PPA2: variants seen among roughly 807,000 people sequenced by gnomAD.
The protein encoded by PPA2 is inorganic pyrophosphatase 2, mitochondrial.
A neutral mutation model predicts 49.5 loss-of-function variants in PPA2; 48 were observed. The ratio of observed to expected loss-of-function variants is 0.97; its 90% confidence interval spans 0.77 to 1.23. The LOEUF is 1.23. PPA2 is among the 50% of genes most tolerant of loss of function. The pLI is 0.00. For synonymous variants in PPA2, 131 were observed against 139.9 expected, an observed-to-expected ratio of 0.94 and a Z score of 0.45; for missense variants, 429 against 410.1, an observed-to-expected ratio of 1.05 and a Z score of -0.40.
intron 10 of PPA2, among the ~76,000 whole-genome samples, chr4:105,379,622 C>T (rs1348408870): frequency 7.2e-6 from 1 of 139,812 alleles, no homozygotes; most frequent in East Asian, 2.2e-4. Flanking sequence ...CGCCACCACG[C>T]CTGGCTAATT....
At position 105,424,274 on chromosome 4, in the gene PPA2, C is replaced by G; in HGVS notation, c.577G>C (p.Ala193Pro). The G allele has an allele frequency of 6.2e-7, 1 of 1,605,886 alleles. No homozygotes were observed. The highest frequency in any genetic ancestry group is 2.2e-5 in the East Asian group (1 of 44,614). Residue 193 changes from alanine to proline, a missense_variant, in exon 7 of 12, where the codon GCT becomes CCT. By Grantham distance (27) the Ala-to-Pro change is conservative (BLOSUM62 -1). Transcript: ENST00000341695. The stretch of plus-strand genomic sequence containing the variant: ...TCTGTTTCACCTTCATCAATAAGAG[C>G]CAAAATTCCAAGGATCTTCACATGA... ...VIHVKILGIL[A>P]LIDEGETDWK...
At chr4:105,463,246 C>G (rs146402879) in intron 1 of PPA2, among the ~76,000 whole-genome samples, 4 of 152,176 alleles carry the variant, frequency 2.6e-5, no homozygotes, top group Non-Finnish European at 5.9e-5. Context: ...TTGTTGGGAA[C>G]TGGAGCAAAG....
intron 7 of PPA2, among the ~76,000 whole-genome samples, chr4:105,414,456 G>A (rs564282057): frequency 2.2e-4 from 34 of 152,368 alleles, no homozygotes; most frequent in African/African-American, 7.7e-4. Context: ...CGCATGCCAA[G>A]GGCAAGCCAG....
intron 1 of PPA2, among the ~76,000 whole-genome samples, chr4:105,469,983 A>G (rs372429936): frequency 9.4e-4 from 143 of 152,360 alleles, no homozygotes; most frequent in African/African-American, 3.3e-3. Context: ...GCTTACTATA[A>G]GTGACAAAGC....
chr4:105,456,100 C>A (rs757952594), intron 2 of PPA2: 6 of 381,200 alleles, frequency 1.6e-5, no homozygotes, highest in Non-Finnish European at 2.6e-5. Context: ...TGACAACTGT[C>A]AAGTGATTTT....
intron 5 of PPA2, among the ~76,000 whole-genome samples, chr4:105,440,248 T>C (rs1402764995): frequency 6.6e-6 from 1 of 151,934 alleles, no homozygotes; most frequent in Non-Finnish European, 1.5e-5. Context: ...AAGGCTTAAA[T>C]AGGAAGATCT....
Position 105,424,559 on chromosome 4 carries a change from C to T in PPA2, c.529-237G>A, listed in dbSNP as rs183695347. On this transcript the variant is annotated intron_variant, in intron 6 of 11. Transcript: ENST00000341695. ...ATTTTACAGATAAACAACTTGCCCT[C>T]CCATTGCAAACAACTAAAAAACTGG... Among the ~76,000 whole-genome samples, 166 of 152,304 alleles carry T rather than the reference C, an allele frequency of 1.1e-3. 1 individual carries two copies. The Middle Eastern group carries it at 0.014, about 12-fold the overall frequency.
intron 1 of PPA2, among the ~76,000 whole-genome samples, chr4:105,457,032 AAAT>A (rs1244384260): frequency 2.0e-5 from 3 of 152,114 alleles, no homozygotes; most frequent in Admixed American, 6.5e-5. Flanking sequence ...CTAAAACCCA[AAAT>A]ACATATTAAA....
intron 9 of PPA2, among the ~76,000 whole-genome samples, chr4:105,391,657 G>A (rs748917713): frequency 1.3e-5 from 2 of 152,226 alleles, no homozygotes; most frequent in Non-Finnish European, 2.9e-5. Context: ...AAATGAAGAT[G>A]TCCACCAAAG....
At chr4:105,397,816 C>T (rs1473972817) in intron 8 of PPA2, among the ~76,000 whole-genome samples, 1 of 152,158 alleles carries the variant, frequency 6.6e-6, no homozygotes, top group East Asian at 1.9e-4. Flanking sequence ...CATCTTTTGG[C>T]ATGACTGGAA....
chr4:105,473,588 T>C (rs766338270), intron 1 of PPA2: 3 of 590,648 alleles, frequency 5.1e-6, no homozygotes, highest in East Asian at 3.7e-5. Flanking sequence ...GGGTGGCCGC[T>C]TGCACTCTGC....
At chr4:105,379,425 GTAGA>G (rs369483034) in intron 10 of PPA2, among the ~76,000 whole-genome samples, 2,342 of 140,172 alleles carry the variant, frequency 0.017, 40 homozygotes, top group African/African-American at 0.039. Context: ...ATCAATATGT[GTAGA>G]TAGATAGATA....
chr4:105,396,388 T>C (rs1471241525), intron 8 of PPA2, 54 bp from the exon 9 acceptor site: 6 of 1,233,628 alleles, frequency 4.9e-6, no homozygotes, highest in Non-Finnish European at 6.9e-6. Flanking sequence ...GTCACATTGT[T>C]ACACTAACAC....
intron 7 of PPA2, among the ~76,000 whole-genome samples, chr4:105,413,615 A>G (rs926369544): frequency 6.6e-5 from 10 of 152,258 alleles, no homozygotes; most frequent in East Asian, 5.8e-4. Flanking sequence ...CTGACACCAT[A>G]TAGAATCCAG....
intron 10 of PPA2, among the ~76,000 whole-genome samples, chr4:105,374,537 T>C (rs1733159502): frequency 6.6e-6 from 1 of 152,242 alleles, no homozygotes; most frequent in Non-Finnish European, 1.5e-5. Flanking sequence ...TCTGTTTATA[T>C]ATAAACTGTA....
intron 7 of PPA2, chr4:105,423,153 T>C (rs1723328029): frequency 6.6e-6 from 1 of 152,192 alleles, no homozygotes; most frequent in African/African-American, 2.4e-5. Flanking sequence ...CATATTTTAA[T>C]TGTAGTTTTC....
chr4:105,434,175 A>G (rs983390036), intron 6 of PPA2, among the ~76,000 whole-genome samples: 2 of 152,140 alleles, frequency 1.3e-5, no homozygotes, highest in Non-Finnish European at 2.9e-5. Flanking sequence ...GTGAAAAGGA[A>G]CCAGAGTGGA....
intron 10 of PPA2, among the ~76,000 whole-genome samples, chr4:105,384,101 C>A (rs1450028564): frequency 6.6e-6 from 1 of 152,134 alleles, no homozygotes; most frequent in Non-Finnish European, 1.5e-5. Context: ...AAGGTGTTAA[C>A]TAATCTGGGC....
chr4:105,472,437 G>C (rs75846266), intron 1 of PPA2, among the ~76,000 whole-genome samples: 1 of 152,024 alleles, frequency 6.6e-6, no homozygotes, highest in Non-Finnish European at 1.5e-5. Flanking sequence ...TTATTATTTG[G>C]GTATCTATTA....
Sources: allele counts gnomAD v4.1 joint callset (sites outside exome capture counted in the v4.1 genomes callset), GRCh38; gene constraint gnomAD v4.1.1; transcripts MANE v1.5; gene names NCBI Gene and HGNC (gene_info 2026-07-23, HGNC 2026-07-21).